Variants in TRPC7 observed in about 807,000 individuals in gnomAD.
TRPC7 encodes short transient receptor potential channel 7.
TRPC7 carries 42 observed loss-of-function variants against 90.1 expected under a neutral mutation model. The observed-to-expected ratio is 0.47, with a 90% CI of 0.36 to 0.60. The LOEUF (loss-of-function observed/expected upper bound fraction) is 0.60. Ranked by LOEUF, TRPC7 falls within the 20% of genes least tolerant of loss-of-function variation. TRPC7 has a pLI of 0.00. For missense variants in TRPC7, 955 were observed against 1,112.3 expected (o/e 0.86, Z 2.01); for synonymous variants, 451 against 436.3 (o/e 1.03, Z -0.42).
rs1356324708 is a variant in TRPC7, at chr5:136,266,417, C to G, written c.1148G>C (p.Ser383Thr). 6.2e-7 allele frequency: 1 copy of G among 1,613,634 alleles called. No homozygotes were observed. Among genetic ancestry groups the G allele is most frequent in the East Asian group, 2.2e-5 (1 of 44,850 alleles). The change falls in exon 5 of 12, where the codon AGC (serine) becomes ACC (threonine). Residue 383 changes from serine to threonine, a missense_variant. This residue lies in a region of TRPC7 where 484 missense variants were observed against 509.6 expected (regional missense o/e 0.95). Transcript: ENST00000513104. Reference protein sequence around the residue: ...PCSKLGRTLRSPFMKFVAHAV... With the variant: ...PCSKLGRTLRTPFMKFVAHAV... ...ATGAGCTACAAACTTCATGAAAGGG[C>G]TCCTCAGGGTTCGTCCTAGCTGGAA... is the stretch of plus-strand genomic sequence containing the variant.
chr5:136,270,863 G>A (rs1362400531), intron 4 of TRPC7, among the ~76,000 whole-genome samples: 1 of 152,202 alleles, frequency 6.6e-6, no homozygotes, highest in Non-Finnish European at 1.5e-5. Flanking sequence ...GGTGACATAA[G>A]AGCACCGATG....
rs748800350 is a variant in TRPC7 at position 136,356,822 on chromosome 5, C to A, written c.566G>T (p.Arg189Leu). The change falls in exon 2 of 12, where the codon CGC (arginine) becomes CTC (leucine). Residue 189 changes from arginine (R) to leucine (L), a missense_variant. Transcript: ENST00000513104. ...GAAGTAGTCGTGGGGCCGCTCGATG[C>A]GGGCGCCCTTGAGCAGCAGGATGTG... Reference protein sequence around the residue: ...IVHILLLKGARIERPHDYFCK... With the variant: ...IVHILLLKGALIERPHDYFCK... 5 of 1,613,458 alleles carry A rather than the reference C, an allele frequency of 3.1e-6. No individual in the cohort carries two copies. The highest frequency in any genetic ancestry group is 4.2e-6 in the Non-Finnish European group (5 of 1,179,650).
chr5:136,299,534 C>G (rs1037849383), intron 3 of TRPC7, among the ~76,000 whole-genome samples: 2 of 152,100 alleles, frequency 1.3e-5, no homozygotes, highest in African/African-American at 4.8e-5. Flanking sequence ...ACTTACAAAA[C>G]TCCCCTTCCA....
chr5:136,294,642 A>G (rs1185646136), intron 3 of TRPC7, among the ~76,000 whole-genome samples: 1 of 152,148 alleles, frequency 6.6e-6, no homozygotes, highest in Non-Finnish European at 1.5e-5. Context: ...AGGAAACAAC[A>G]GGTGCTAGAG....
In TRPC7 at chr5:136,305,473, G is replaced by T. The variant is rs555544321; in HGVS notation, c.963+10124C>A. Reference sequence around the variant, plus strand: ...CTACTACTCCTCAGGGATTATTCAGGCCCCCTCCCTTCCCTACACATCAAG... The same window carrying T: ...CTACTACTCCTCAGGGATTATTCAGTCCCCCTCCCTTCCCTACACATCAAG... On this transcript the variant is annotated intron_variant, in intron 3 of 11. Transcript: ENST00000513104. 4.6e-5 allele frequency among the ~76,000 whole-genome samples: 7 copies of T among 151,580 alleles called. No homozygotes were observed. In the East Asian group the frequency reaches 1.4e-3, roughly 29 times the overall value.
At chr5:136,288,383 A>G (rs1757804934) in intron 3 of TRPC7, among the ~76,000 whole-genome samples, 1 of 150,858 alleles carries the variant, frequency 6.6e-6, no homozygotes, top group African/African-American at 2.4e-5. Context: ...ATTTTGACAG[A>G]ACAGGTTAAG....
At chr5:136,236,577 C>A (rs148193394) in intron 7 of TRPC7, among the ~76,000 whole-genome samples, 1 of 152,080 alleles carries the variant, frequency 6.6e-6, no homozygotes, top group Non-Finnish European at 1.5e-5. Flanking sequence ...GAATAGGCCA[C>A]GATTCACCCT....
intron 3 of TRPC7, among the ~76,000 whole-genome samples, chr5:136,287,214 C>T (rs888584382): frequency 1.3e-5 from 2 of 152,056 alleles, no homozygotes; most frequent in Admixed American, 6.5e-5. Context: ...GTTTTCCCTT[C>T]CACCTCTTTA....
At chr5:136,316,116 A>G (rs1417361561) in intron 2 of TRPC7, 1 of 229,870 alleles carries the variant, frequency 4.4e-6, no homozygotes, top group Non-Finnish European at 8.5e-6. Flanking sequence ...GGGGCCAAGA[A>G]ATCTGTCTTT....
intron 4 of TRPC7, among the ~76,000 whole-genome samples, chr5:136,269,178 G>T (rs1003768026): frequency 3.9e-5 from 6 of 152,170 alleles, no homozygotes; most frequent in Non-Finnish European, 1.5e-5. Context: ...AAAAATGTGG[G>T]CTAAAGCAGT....
chr5:136,292,329 C>A (rs1443367931), intron 3 of TRPC7, among the ~76,000 whole-genome samples: 1 of 152,040 alleles, frequency 6.6e-6, no homozygotes, highest in East Asian at 1.9e-4. Flanking sequence ...ACAAAAAACC[C>A]TTCAAAAAAA....
intron 2 of TRPC7, among the ~76,000 whole-genome samples, chr5:136,341,336 T>G (rs1345999723): frequency 6.6e-6 from 1 of 152,080 alleles, no homozygotes; most frequent in East Asian, 1.9e-4. Context: ...GGACAGATAT[T>G]TCTGCCAGAT....
intron 7 of TRPC7, among the ~76,000 whole-genome samples, chr5:136,240,241 C>G (rs1478577224): frequency 6.6e-6 from 1 of 152,194 alleles, no homozygotes; most frequent in African/African-American, 2.4e-5. Context: ...TTCTAGGAAG[C>G]CTTCTCTGAC....
chr5:136,261,752 C>T (rs757772972), intron 5 of TRPC7, among the ~76,000 whole-genome samples: 3 of 152,234 alleles, frequency 2.0e-5, no homozygotes, highest in Admixed American at 6.5e-5. Context: ...TTCATAGTTA[C>T]AATGATGTTA....
At chr5:136,302,039 T>C (rs1423656834) in intron 3 of TRPC7, among the ~76,000 whole-genome samples, 1 of 152,230 alleles carries the variant, frequency 6.6e-6, no homozygotes, top group Non-Finnish European at 1.5e-5. Context: ...AACCTCTTTC[T>C]CCTTTCAGTC....
At chr5:136,296,449 A>G (rs1758174489) in intron 3 of TRPC7, among the ~76,000 whole-genome samples, 1 of 152,002 alleles carries the variant, frequency 6.6e-6, no homozygotes, top group Non-Finnish European at 1.5e-5. Context: ...AACTTCAGGA[A>G]ATAACAGAAA....
chr5:136,316,622 G>C (rs919746037), intron 2 of TRPC7, among the ~76,000 whole-genome samples: 3 of 152,066 alleles, frequency 2.0e-5, no homozygotes, highest in African/African-American at 7.2e-5. Context: ...ATGTCTTTGA[G>C]AGGCTAACTT....
At chr5:136,324,402 G>T (rs1759284134) in intron 2 of TRPC7, among the ~76,000 whole-genome samples, 1 of 152,062 alleles carries the variant, frequency 6.6e-6, no homozygotes, top group African/African-American at 2.4e-5. Flanking sequence ...CAAATTAATG[G>T]CTCAGAGCTT....
rs1477412931 is a variant in TRPC7 at position 136,365,336 on chromosome 5, G to T, written c.-82C>A. ...GTCGCCAGAAGCTGGCTCCCCATGG[G>T]TGGTAGCCAAGGATGTACCGCTCTC... is the stretch of plus-strand genomic sequence containing the variant. On this transcript the variant is annotated 5_prime_UTR_variant, in exon 1 of 12. Transcript: ENST00000513104. The T allele has an allele frequency of 4.2e-6, 6 of 1,416,024 alleles. No homozygotes were observed. The highest frequency in any genetic ancestry group is 4.8e-6 in the Non-Finnish European group (5 of 1,036,382). The allele number at this position is 1,416,024 out of a possible 1,614,324, so 87.7% of individuals were successfully genotyped here.
Sources: gnomAD v4.1 joint callset for allele counts (sites outside exome capture counted in the v4.1 genomes callset) on GRCh38, gnomAD v4.1.1 for gene constraint, gnomAD v4.1.1 regional missense constraint, MANE v1.5 for transcripts, NCBI Gene and HGNC (gene_info 2026-07-23, HGNC 2026-07-21) for gene names.